The following CELSR1 variants were observed in gnomAD, a reference collection of about 807,000 sequenced individuals.
The protein encoded by CELSR1 is cadherin EGF LAG seven-pass G-type receptor 1.
Under a neutral mutation model 249.1 loss-of-function variants are expected in CELSR1, and 110 were observed. The ratio of observed to expected loss-of-function variants is 0.44; its 90% CI spans 0.38 to 0.52. The LOEUF is 0.52. Among genes scored for constraint, CELSR1 ranks in the 20% least tolerant of loss-of-function variants. The pLI, the probability that CELSR1 is intolerant of heterozygous loss-of-function variation, is 0.00. For missense variants in CELSR1, 4,109 were observed against 4,296.4 expected, an observed-to-expected ratio of 0.96 and a Z score of 1.22; for synonymous variants, 2,113 against 1,900.0, an observed-to-expected ratio of 1.11 and a Z score of -2.92.
rs199890658 is a variant in CELSR1, at chr22:46,509,839, G to C, written c.3544+23788C>G. 4.2e-4 allele frequency among the ~76,000 whole-genome samples: 64 copies of C among 152,268 alleles called. No homozygotes were observed. In the East Asian group the frequency reaches 9.6e-3, roughly 23 times the overall value. On this transcript the variant is annotated intron_variant, in intron 1 of 34. Transcript: ENST00000674500. ...GGCAGTACCCATGCACAATGCAGGG[G>C]CTCAGTCCAGGGACCCGGCACACAG...
At chr22:46,461,013 T>C (rs2080020090) in intron 2 of CELSR1, among the ~76,000 whole-genome samples, 1 of 152,182 alleles carries the variant, frequency 6.6e-6, no homozygotes, top group Non-Finnish European at 1.5e-5. Flanking sequence ...CTTGGGCCGA[T>C]TCCAACCTTG....
chr22:46,363,177 C>T lies in CELSR1; in HGVS notation c.*46G>A, dbSNP rs774666623. The T allele has an allele frequency of 6.2e-7, 1 of 1,613,682 alleles. No homozygotes were observed. The highest frequency in any genetic ancestry group is 1.1e-5 in the South Asian group (1 of 91,060). On this transcript the variant is annotated 3_prime_UTR_variant, in exon 35 of 35. Transcript: ENST00000674500. This position sits in a 1 kb window ranked among gnomAD's most constrained non-coding sequence, Gnocchi z 4.3. The stretch of plus-strand genomic sequence containing the variant: ...AGCCTGTGTGGGGTGACGGGCTTGC[C>T]TCACGGTTTCCTGATGGTTCAAATT...
At chr22:46,495,299 T>C (rs1056149044) in intron 1 of CELSR1, among the ~76,000 whole-genome samples, 2 of 152,190 alleles carry the variant, frequency 1.3e-5, no homozygotes, top group African/African-American at 4.8e-5. Flanking sequence ...GCAACTGTAA[T>C]ACAAAGGCAA....
In CELSR1 at chr22:46,457,236, T is replaced by C. The variant is rs965080164; in HGVS notation, c.4183+6471A>G. 2.0e-5 allele frequency among the ~76,000 whole-genome samples: 3 copies of C among 151,882 alleles called. No homozygotes were observed. The South Asian group carries it at 6.2e-4, about 31-fold the overall frequency. ...GGTGCATGCCTGTAATCCCAGCTAC[T>C]CGGGAGGCTGAGGCCGGAGAATTAC... On this transcript the variant is annotated intron_variant, in intron 2 of 34. Transcript: ENST00000674500.
Position 46,372,986 on chromosome 22 carries a change from C to T in CELSR1, c.7656G>A (p.Glu2552=), listed in dbSNP as rs1374322512. Residue 2552 remains glutamate (E), a synonymous_variant, in exon 25 of 35, where the codon GAG becomes GAA. Coordinates refer to ENST00000674500, the MANE Select transcript of CELSR1 (RefSeq NM_001378328.1). ...YMSTFAWTLV[E]SLHVYRMLTE... is the part of the protein sequence containing the mutation. Reference sequence around the variant, plus strand: ...TCAGCATGCGGTAGACATGCAGGCTCTCCACGAGGGTCCAGGCAAAGGTGC... The same window carrying T: ...TCAGCATGCGGTAGACATGCAGGCTTTCCACGAGGGTCCAGGCAAAGGTGC... The T allele has an allele frequency of 6.2e-7, 1 of 1,613,212 alleles. No individual in the cohort carries two copies. The highest frequency in any genetic ancestry group is 1.1e-5 in the South Asian group (1 of 91,068).
In CELSR1 at chr22:46,512,567, A is replaced by G. The variant is rs2080584767; in HGVS notation, c.3544+21060T>C. On this transcript the variant is annotated intron_variant, in intron 1 of 34. Transcript: ENST00000674500. This position sits in a 1 kb window ranked among gnomAD's most constrained non-coding sequence, Gnocchi z 5.2. ...AGCCTGGGTGAAAGAGTGAGACTCC[A>G]TCTCAACAACAACAAAAAATCAAGG... Among the ~76,000 whole-genome samples the G allele has an allele frequency of 6.6e-6, 1 of 152,102 alleles. No individual in the cohort carries two copies. Among genetic ancestry groups the G allele is most frequent in the African/African-American group, 2.4e-5 (1 of 41,426 alleles).
At chr22:46,465,420 G>GC (rs763695271) in intron 1 of CELSR1, among the ~76,000 whole-genome samples, 29 of 152,200 alleles carry the variant, frequency 1.9e-4, no homozygotes, top group Middle Eastern at 3.4e-3. Context: ...CTCAGTAACT[G>GC]CCCCAGTCAG....
chr22:46,370,197 G>A (rs1226536642), intron 25 of CELSR1: 1 of 458,206 alleles, frequency 2.2e-6, no homozygotes, highest in East Asian at 6.8e-5. Context: ...GACCCAAGGT[G>A]CAAGGGATGA....
At chr22:46,521,449 G>A (rs370772754) in intron 1 of CELSR1, among the ~76,000 whole-genome samples, 2 of 151,660 alleles carry the variant, frequency 1.3e-5, no homozygotes, top group East Asian at 1.9e-4. Flanking sequence ...AGCTTGCAGT[G>A]AGCCGAGATC....
Position 46,464,254 on chromosome 22 carries a change from C to G in CELSR1, c.3636G>C (p.Glu1212Asp). Reference protein sequence around the residue: ...MLTNSITVRLENMSQEKFLSP... With the variant: ...MLTNSITVRLDNMSQEKFLSP... Reference sequence around the variant, plus strand: ...ACAGGAACTTCTCCTGGGACATGTTCTCCAGGCGGACAGTGATGCTGTTGG... The same window carrying G: ...ACAGGAACTTCTCCTGGGACATGTTGTCCAGGCGGACAGTGATGCTGTTGG... The change falls in exon 2 of 35, where the codon GAG becomes GAC. Residue 1212 changes from glutamate to aspartate, a missense_variant. Physicochemically the swap from Glu to Asp is conservative, Grantham distance 45. Coordinates refer to ENST00000674500, the MANE Select transcript of CELSR1 (RefSeq NM_001378328.1). This position sits in a 1 kb window ranked among gnomAD's most constrained non-coding sequence, Gnocchi z 8.5. 6.2e-7 allele frequency: 1 copy of G among 1,613,710 alleles called. No homozygotes were observed. The highest frequency in any genetic ancestry group is 8.5e-7 in the Non-Finnish European group (1 of 1,180,034).
chr22:46,537,150 G>GGGCGGC lies in CELSR1; in HGVS notation c.15_20dup (p.Pro6_Pro7dup), dbSNP rs572164595. ...CCAGGAGCAGCAGCACGGGCAGCACGGGCGGCGGCGGCGGCGCCATGGCCC... is the reference window on the plus strand; with the variant it reads ...CCAGGAGCAGCAGCACGGGCAGCACGGGCGGCGGCGGCGGCGGCGGCGCCATGGCCC... On this transcript the variant is annotated inframe_insertion, in exon 1 of 35. Coordinates refer to ENST00000674500, the MANE Select transcript of CELSR1 (RefSeq NM_001378328.1). The surrounding 1 kb of genome is among the most constrained non-coding windows in gnomAD (Gnocchi z 5.8). 16 of 1,026,258 alleles carry GGGCGGC rather than the reference G, an allele frequency of 1.6e-5. No individual in the cohort carries two copies. The South Asian group carries it at 4.0e-4, about 26-fold the overall frequency. 63.6% of individuals were successfully genotyped at this position (1,026,258 alleles called of 1,614,324 possible).
In CELSR1 at chr22:46,373,036, T is replaced by C. The variant is rs961508036; in HGVS notation, c.7606A>G (p.Ile2536Val). 1 of 1,609,404 alleles carries C rather than the reference T, an allele frequency of 6.2e-7. No homozygotes were observed. Among genetic ancestry groups the C allele is most frequent in the Non-Finnish European group, 8.5e-7 (1 of 1,178,056 alleles). Residue 2536 changes from isoleucine to valine, a missense_variant, in exon 25 of 35, where the codon ATC (isoleucine) becomes GTC (valine). This residue lies in a region of CELSR1 where 1,805 missense variants were observed against 1,831.6 expected (regional missense o/e 0.99). Coordinates refer to ENST00000674500, the MANE Select transcript of CELSR1 (RefSeq NM_001378328.1). Reference sequence around the variant, plus strand: ...CTCATGTAGATGTAGTGGAGGAGGATGGCAACCACTGTGCACAGAAACTGC... The same window carrying C: ...CTCATGTAGATGTAGTGGAGGAGGACGGCAACCACTGTGCACAGAAACTGC... ...ENPFLCTVVA[I>V]LLHYIYMSTF...
At position 46,534,654 on chromosome 22, in the gene CELSR1, G is replaced by A. The variant is rs770204475; in HGVS notation, c.2517C>T (p.Pro839=). The change falls in exon 1 of 35, where the codon CCC becomes CCT. Residue 839 remains proline (P), a synonymous_variant. Transcript: ENST00000674500. The surrounding 1 kb of genome is among the most constrained non-coding windows in gnomAD (Gnocchi z 9.7). ...TCATGGTGTACATGGTGCCACTGTC[G>A]GGGTCAATGCGGAACTGCGGCACGG... The part of the protein sequence containing the change: ...QDPVPQFRID[P]DSGTMYTMME... 11 of 1,613,846 alleles carry A rather than the reference G, an allele frequency of 6.8e-6. No homozygotes were observed. The highest frequency in any genetic ancestry group is 7.6e-6 in the Non-Finnish European group (9 of 1,180,020).
intron 5 of CELSR1, among the ~76,000 whole-genome samples, chr22:46,432,043 C>T (rs2079601805): frequency 6.6e-6 from 1 of 152,214 alleles, no homozygotes; most frequent in Non-Finnish European, 1.5e-5. Flanking sequence ...CACCTCCCAT[C>T]TGCCCTCCTC....
At chr22:46,465,066 T>C (rs967368907) in intron 1 of CELSR1, among the ~76,000 whole-genome samples, 3 of 152,142 alleles carry the variant, frequency 2.0e-5, no homozygotes, top group Non-Finnish European at 2.9e-5. Flanking sequence ...GCCAAGACGG[T>C]GGAGCACCTT....
chr22:46,424,005 G>T (rs1335078654), intron 5 of CELSR1, among the ~76,000 whole-genome samples: 2 of 152,114 alleles, frequency 1.3e-5, no homozygotes, highest in African/African-American at 2.4e-5. Context: ...TGTTGTTTTG[G>T]AGAGCATAGG....
rs539137596 is a variant in CELSR1 at position 46,464,683 on chromosome 22, T to C, written c.3545-338A>G. Among the ~76,000 whole-genome samples the C allele has an allele frequency of 1.3e-5, 2 of 152,184 alleles. No homozygotes were observed. Among genetic ancestry groups the C allele is most frequent in the South Asian group, 4.2e-4 (2 of 4,818 alleles). On this transcript the variant is annotated intron_variant, in intron 1 of 34. Coordinates refer to ENST00000674500, the MANE Select transcript of CELSR1 (RefSeq NM_001378328.1). The surrounding 1 kb of genome is among the most constrained non-coding windows in gnomAD (Gnocchi z 8.5). ...CAGGGCACCCTGACGACCACCAGGA[T>C]TCAGCCCCTCACTGCCTGAAACTCC...
In CELSR1 at chr22:46,472,414, G is replaced by C. The variant is rs2080165124; in HGVS notation, c.3545-8069C>G. 1.3e-5 allele frequency among the ~76,000 whole-genome samples: 2 copies of C among 152,188 alleles called. No homozygotes were observed. Among genetic ancestry groups the C allele is most frequent in the Admixed American group, 1.3e-4 (2 of 15,288 alleles). On this transcript the variant is annotated intron_variant, in intron 1 of 34. Coordinates refer to ENST00000674500, the MANE Select transcript of CELSR1 (RefSeq NM_001378328.1). This position sits in a 1 kb window ranked among gnomAD's most constrained non-coding sequence, Gnocchi z 7.0. ...GGAGCAGGCAGCCCTCAGGGGACAG[G>C]GGACAGTGCCGCAGTTCCGAGACTC...
chr22:46,498,991 C>T (rs564483642), intron 1 of CELSR1, among the ~76,000 whole-genome samples: 389 of 151,876 alleles, frequency 2.6e-3, no homozygotes, highest in African/African-American at 9.2e-3. Flanking sequence ...ACCAGCCTGG[C>T]CAACATGGTG....
Sources: allele counts gnomAD v4.1 joint callset (sites outside exome capture counted in the v4.1 genomes callset), GRCh38; gene constraint gnomAD v4.1.1; regional missense constraint gnomAD v4.1.1; non-coding constraint Gnocchi (gnomAD v3.1); transcripts MANE v1.5; gene names NCBI Gene and HGNC (gene_info 2026-07-23, HGNC 2026-07-21).